ANKIB1: variants seen among roughly 807,000 people sequenced by gnomAD.
The protein encoded by ANKIB1 is ankyrin repeat and IBR domain containing 1, also known as ankyrin repeat and IBR domain-containing protein 1.
ANKIB1 carries 43 observed loss-of-function variants against 122.1 expected under a neutral mutation model. That is an observed-to-expected ratio of 0.35 (90% CI 0.28 to 0.45). The LOEUF (loss-of-function observed/expected upper bound fraction) is 0.45. Ranked by LOEUF, ANKIB1 falls within the 20% of genes least tolerant of loss-of-function variation. The pLI is 1.00. For missense variants in ANKIB1, 992 were observed against 1,329.5 expected (o/e 0.75, Z 3.95); for synonymous variants, 390 against 442.0 (o/e 0.88, Z 1.48).
intron 3 of ANKIB1, among the ~76,000 whole-genome samples, chr7:92,311,065 A>G (rs889706267): frequency 6.6e-6 from 1 of 152,088 alleles, no homozygotes; most frequent in Non-Finnish European, 1.5e-5. Context: ...TTTTTTTCTA[A>G]ACATTTCTTT....
intron 5 of ANKIB1, among the ~76,000 whole-genome samples, chr7:92,340,567 G>C (rs1166789544): frequency 6.6e-6 from 1 of 152,134 alleles, no homozygotes; most frequent in East Asian, 1.9e-4. Context: ...AATTTGTCTA[G>C]GAGACTTACA....
chr7:92,300,337 T>C (rs1802435885), intron 2 of ANKIB1, among the ~76,000 whole-genome samples: 1 of 152,228 alleles, frequency 6.6e-6, no homozygotes, highest in East Asian at 1.9e-4. Context: ...TTACAACTTC[T>C]ACCAAAAGTC....
chr7:92,326,666 T>A (rs1346807914), intron 4 of ANKIB1, among the ~76,000 whole-genome samples: 1 of 152,194 alleles, frequency 6.6e-6, no homozygotes, highest in African/African-American at 2.4e-5. Flanking sequence ...GTAGGAGAAC[T>A]CATGTTTCAT....
intron 9 of ANKIB1, among the ~76,000 whole-genome samples, chr7:92,358,335 T>TA (rs1462729385): frequency 1.3e-5 from 2 of 152,192 alleles, no homozygotes; most frequent in African/African-American, 4.8e-5. Context: ...TTTATATCCT[T>TA]TCTTAGTATT....
At chr7:92,269,861 T>C (rs931904994) in intron 1 of ANKIB1, among the ~76,000 whole-genome samples, 2 of 151,918 alleles carry the variant, frequency 1.3e-5, no homozygotes, top group South Asian at 4.2e-4. Context: ...GTTTGATACA[T>C]AGGTATACAT....
Position 92,246,350 on chromosome 7 carries a change from C to T in ANKIB1, c.-260C>T, listed in dbSNP as rs1801005325. On this transcript the variant is annotated 5_prime_UTR_variant, in exon 1 of 20. Transcript: ENST00000265742. ...AGTGCGCACCCTCGGCCACATCAGC[C>T]TCCGCCTGGCGGGTGCACCCGGGCC... 6.6e-6 allele frequency: 3 copies of T among 452,106 alleles called. No homozygotes were observed. Among genetic ancestry groups the T allele is most frequent in the African/African-American group, 4.0e-5 (2 of 49,898 alleles). 28.0% of individuals were successfully genotyped at this position (452,106 alleles called of 1,614,324 possible).
At chr7:92,393,594 T>C (rs2115716998) in intron 17 of ANKIB1, among the ~76,000 whole-genome samples, 1 of 152,244 alleles carries the variant, frequency 6.6e-6, no homozygotes, top group Non-Finnish European at 1.5e-5. Context: ...CACAAGCATG[T>C]ATGTGTATCA....
rs1307830280 is a variant in ANKIB1, at chr7:92,399,627, GTCAGCGT to G, written c.*681_*687del. On this transcript the variant is annotated 3_prime_UTR_variant, in exon 20 of 20. Transcript: ENST00000265742. ...GCATCCTAGAGTGCTCCAGGGCAGT[GTCAGCGT>G]TCTCGGGAGTAAAAGGTGCCACTTG... is the stretch of plus-strand genomic sequence containing the variant. 3 of 152,206 alleles carry G rather than the reference GTCAGCGT, an allele frequency of 2.0e-5. No individual in the cohort carries two copies. The highest frequency in any genetic ancestry group is 4.4e-5 in the Non-Finnish European group (3 of 68,050). The allele number at this position is 152,206 out of a possible 1,614,324, so 9.4% of individuals were successfully genotyped here. A position where few individuals can be genotyped will look rare whatever the true frequency, so the allele number is the denominator to read the frequency against.
At chr7:92,330,348 A>G (rs1803142289) in intron 5 of ANKIB1, among the ~76,000 whole-genome samples, 1 of 152,166 alleles carries the variant, frequency 6.6e-6, no homozygotes, top group Admixed American at 6.5e-5. Flanking sequence ...CCTAATATAT[A>G]TTAATCACTC....
At position 92,294,890 on chromosome 7, in the gene ANKIB1, A is replaced by T. The variant is rs1585093046; in HGVS notation, c.-89A>T. ...TTTGAATAACTTTTCCTTCATTAGA[A>T]TGTGAAAGATGTTGCAGAAGTGTTC... On this transcript the variant is annotated splice_region_variant and 5_prime_UTR_variant, in exon 2 of 20. The change abolishes an upstream ATG in the 5' untranslated region. Coordinates refer to ENST00000265742, the MANE Select transcript of ANKIB1 (RefSeq NM_019004.2). The T allele has an allele frequency of 1.2e-6, 1 of 863,806 alleles. No homozygotes were observed. The highest frequency in any genetic ancestry group is 1.7e-6 in the Non-Finnish European group (1 of 591,938). 53.5% of individuals were successfully genotyped at this position (863,806 alleles called of 1,614,324 possible).
intron 9 of ANKIB1, among the ~76,000 whole-genome samples, chr7:92,361,516 G>A (rs1803944475): frequency 6.6e-6 from 1 of 152,112 alleles, no homozygotes; most frequent in Non-Finnish European, 1.5e-5. Context: ...CTCAGTAATG[G>A]CCAGGAATAC....
chr7:92,365,396 T>C (rs1804048942), intron 10 of ANKIB1, among the ~76,000 whole-genome samples: 2 of 152,292 alleles, frequency 1.3e-5, no homozygotes, highest in African/African-American at 4.8e-5. Context: ...ATTCCAGGCA[T>C]AGAGTGAAGT....
intron 11 of ANKIB1, among the ~76,000 whole-genome samples, chr7:92,372,955 A>G (rs1169297132): frequency 1.3e-5 from 2 of 152,110 alleles, no homozygotes; most frequent in Admixed American, 6.5e-5. Flanking sequence ...ATATAATAAT[A>G]TCTTCTAGGT....
In ANKIB1 at chr7:92,280,846, T is replaced by C. The variant is rs373934582; in HGVS notation, c.-90-14043T>C. ...GCTGCCCAGGCATCAAAGTTTGTGA[T>C]ACTCTACCTATTCATCCTTTCTTTT... On this transcript the variant is annotated intron_variant, in intron 1 of 19. Transcript: ENST00000265742. 2.6e-5 allele frequency among the ~76,000 whole-genome samples: 4 copies of C among 152,370 alleles called. 1 individual carries two copies.
chr7:92,360,277 G>A (rs1218075216), intron 9 of ANKIB1, among the ~76,000 whole-genome samples: 1 of 152,024 alleles, frequency 6.6e-6, no homozygotes, highest in East Asian at 1.9e-4. Flanking sequence ...CTTTCTCTAT[G>A]AATTTGCCTA....
chr7:92,306,995 T>C (rs1311153997), intron 2 of ANKIB1, among the ~76,000 whole-genome samples: 2 of 152,218 alleles, frequency 1.3e-5, no homozygotes, highest in Non-Finnish European at 2.9e-5. Flanking sequence ...TAATACACCC[T>C]TAGGCATCTG....
At chr7:92,361,757 G>C (rs1470704115) in intron 9 of ANKIB1, among the ~76,000 whole-genome samples, 1 of 151,110 alleles carries the variant, frequency 6.6e-6, no homozygotes. Flanking sequence ...TCTCTCATTA[G>C]TCACCGTGCC....
At chr7:92,305,880 T>C (rs915026678) in intron 2 of ANKIB1, among the ~76,000 whole-genome samples, 2 of 152,184 alleles carry the variant, frequency 1.3e-5, no homozygotes, top group Non-Finnish European at 2.9e-5. Flanking sequence ...CCGTGAGATA[T>C]GTATTTACAT....
At chr7:92,275,506 C>T (rs1357419035) in intron 1 of ANKIB1, among the ~76,000 whole-genome samples, 1 of 152,038 alleles carries the variant, frequency 6.6e-6, no homozygotes, top group African/African-American at 2.4e-5. Context: ...ATTTAATTGG[C>T]AGAGGTCAGG....
Sources: gnomAD v4.1 joint callset for allele counts (sites outside exome capture counted in the v4.1 genomes callset) on GRCh38, gnomAD v4.1.1 for gene constraint, MANE v1.5 for transcripts, NCBI Gene and HGNC (gene_info 2026-07-23, HGNC 2026-07-21) for gene names.